The following CMC4 variants were observed in gnomAD, a reference collection of about 807,000 sequenced individuals.
CMC4 encodes the protein cx9C motif-containing protein 4.
CMC4 carries 4 observed loss-of-function variants against 5.1 expected under a neutral mutation model. The ratio of observed to expected loss-of-function variants is 0.78; its 90% confidence interval spans 0.38 to 1.78. CMC4 has a LOEUF of 1.78. Ranked by LOEUF, CMC4 falls within the 40% of genes most tolerant of loss-of-function variation. CMC4 has a pLI of 0.04. For synonymous variants in CMC4, 23 were observed against 18.9 expected, an observed-to-expected ratio of 1.22 and a Z score of -0.57; for missense variants, 52 against 51.3, an observed-to-expected ratio of 1.01 and a Z score of -0.04.
rs185409702 is a variant in CMC4 at position 155,066,590 on chromosome X, C to T, written c.-10-2557G>A. Among the ~76,000 whole-genome samples, 6 of 112,063 alleles carry T rather than the reference C, an allele frequency of 5.4e-5. No individual in the cohort carries two copies. In the East Asian group the frequency reaches 1.7e-3, roughly 31 times the overall value. ...AAAGTTTGTTTTAAGGGCAAATGATCTATTTATCAGTTTACTAAGAAAGTT... is the reference window on the plus strand; with the variant it reads ...AAAGTTTGTTTTAAGGGCAAATGATTTATTTATCAGTTTACTAAGAAAGTT... On this transcript the variant is annotated intron_variant, in intron 1 of 2. Coordinates refer to ENST00000369484, the MANE Select transcript of CMC4 (RefSeq NM_001018024.3).
At chrX:155,065,471 A>T (rs375822308) in intron 1 of CMC4, 910 of 1,197,465 alleles carry the variant, frequency 7.6e-4, no homozygotes, top group Non-Finnish European at 9.8e-4. Context: ...ACAGAGGAGA[A>T]ATAGAAATAC....
intron 1 of CMC4, chrX:155,066,009 AT>A: frequency 8.3e-7 from 1 of 1,204,675 alleles, no homozygotes. Context: ...CTCTCCTGCC[AT>A]TCTGGGCTTT....
At chrX:155,062,117 C>A in intron 2 of CMC4, 126 bp from the exon 3 acceptor site, 2 of 635,790 alleles carry the variant, frequency 3.1e-6, no homozygotes, top group Non-Finnish European at 4.4e-6. Flanking sequence ...GAAGATATAC[C>A]AAAGTCCACT....
intron 1 of CMC4, chrX:155,066,050 A>C: frequency 9.1e-7 from 1 of 1,098,257 alleles, no homozygotes; most frequent in Non-Finnish European, 1.3e-6. Context: ...GCTTTTCTCC[A>C]CCTAAGCCTG....
At chrX:155,065,591 A>G in intron 1 of CMC4, 1 of 1,209,504 alleles carries the variant, frequency 8.3e-7, no homozygotes, top group East Asian at 3.0e-5. Context: ...TCCCAGTACA[A>G]TGGAAAATAA....
chrX:155,067,765 G>C (rs1482872564), intron 1 of CMC4, among the ~76,000 whole-genome samples: 5 of 112,466 alleles, frequency 4.4e-5, no homozygotes, highest in Non-Finnish European at 9.4e-5. Flanking sequence ...GGCACCCCAA[G>C]TCTCAGGTAC....
At chrX:155,064,622 T>A (rs1557291885) in intron 1 of CMC4, 1 of 112,148 alleles carries the variant, frequency 8.9e-6, no homozygotes. Flanking sequence ...TTCCTAGGAA[T>A]CAGCAATATT....
intron 2 of CMC4, among the ~76,000 whole-genome samples, chrX:155,062,903 T>G (rs1399937228): frequency 1.8e-5 from 2 of 111,427 alleles, no homozygotes; most frequent in East Asian, 5.6e-4. Flanking sequence ...ATGAAAGGCT[T>G]AATACGTATA....
At chrX:155,070,310 G>C (rs918273476) in intron 1 of CMC4, among the ~76,000 whole-genome samples, 24 of 111,899 alleles carry the variant, frequency 2.1e-4, no homozygotes, top group South Asian at 7.4e-4. Flanking sequence ...ACACGAACAC[G>C]GACGGGCTGT....
Position 155,061,753 on chromosome X carries a change from A to G in CMC4, c.*90T>C. The stretch of plus-strand genomic sequence containing the variant: ...ATTAACTTTTGTAGCTGACTTTTTC[A>G]TTTGCTATTTGCTGCTACCTGGCCT... On this transcript the variant is annotated 3_prime_UTR_variant, in exon 3 of 3. Transcript: ENST00000369484. 9.6e-7 allele frequency: 1 copy of G among 1,046,029 alleles called. No individual in the cohort carries two copies. The highest frequency in any genetic ancestry group is 1.3e-6 in the Non-Finnish European group (1 of 776,579). 86.2% of individuals were successfully genotyped at this position (1,046,029 alleles called of 1,213,427 possible).
intron 1 of CMC4, chrX:155,065,728 C>T (rs2073945884): frequency 8.3e-7 from 1 of 1,211,165 alleles, no homozygotes; most frequent in South Asian, 1.8e-5. Flanking sequence ...GTGACTTGGC[C>T]TAGCTGCGTC....
At chrX:155,070,073 T>C (rs782819558) in intron 1 of CMC4, among the ~76,000 whole-genome samples, 1 of 112,424 alleles carries the variant, frequency 8.9e-6, no homozygotes, top group East Asian at 2.8e-4. Context: ...AGATGTGCCA[T>C]GTGATCCTTA....
chrX:155,063,839 A>T, intron 2 of CMC4, 127 bp downstream of exon 2: 1 of 532,480 alleles, frequency 1.9e-6, no homozygotes, highest in Non-Finnish European at 3.1e-6. Context: ...CAATGAAGAG[A>T]ATCTTCAGGA....
In CMC4 at chrX:155,062,401, T is replaced by C. The variant is rs1266431718; in HGVS notation, c.59-410A>G. 2.7e-5 allele frequency among the ~76,000 whole-genome samples: 3 copies of C among 112,140 alleles called. No homozygotes were observed. The East Asian group carries it at 8.3e-4, about 31-fold the overall frequency. Reference sequence around the variant, plus strand: ...GGCTGTGCATCAGGAATTGGCAAACTGCAGCCTTAGGGTCAAATTCAGCCG... The same window carrying C: ...GGCTGTGCATCAGGAATTGGCAAACCGCAGCCTTAGGGTCAAATTCAGCCG... On this transcript the variant is annotated intron_variant, in intron 2 of 2. Coordinates refer to ENST00000369484, the MANE Select transcript of CMC4 (RefSeq NM_001018024.3).
Position 155,064,125 on chromosome X carries a change from A to C in CMC4, c.-10-92T>G. 1.1e-5 allele frequency: 6 copies of C among 548,233 alleles called. No homozygotes were observed. In the South Asian group the frequency reaches 2.9e-4, roughly 26 times the overall value. The allele number at this position is 548,233 out of a possible 1,213,427, so 45.2% of individuals were successfully genotyped here. ...AATTTTCTTCTGAGACAAGCAGTATATGCCCTTACAATTGCTGGAAAATAA... is the reference window on the plus strand; with the variant it reads ...AATTTTCTTCTGAGACAAGCAGTATCTGCCCTTACAATTGCTGGAAAATAA... On this transcript the variant is annotated intron_variant, in intron 1 of 2. Coordinates refer to ENST00000369484, the MANE Select transcript of CMC4 (RefSeq NM_001018024.3).
At chrX:155,067,695 C>A (rs1359139071) in intron 1 of CMC4, among the ~76,000 whole-genome samples, 1 of 112,427 alleles carries the variant, frequency 8.9e-6, no homozygotes, top group Non-Finnish European at 1.9e-5. Flanking sequence ...TTTCACAAGT[C>A]CTGTCTTCCC....
intron 1 of CMC4, chrX:155,065,620 A>G: frequency 8.3e-7 from 1 of 1,210,959 alleles, no homozygotes; most frequent in Non-Finnish European, 1.1e-6. Context: ...CATGTGTACC[A>G]TTAAATGATG....
chrX:155,065,844 G>A, intron 1 of CMC4: 1 of 1,195,631 alleles, frequency 8.4e-7, no homozygotes, highest in Non-Finnish European at 1.1e-6. Flanking sequence ...TATTGAGACT[G>A]GAATAGAAAC....
intron 1 of CMC4, among the ~76,000 whole-genome samples, chrX:155,066,939 C>T (rs1342170103): frequency 8.9e-6 from 1 of 111,949 alleles, no homozygotes; most frequent in African/African-American, 3.3e-5. Context: ...CGATCCTCTG[C>T]CCAAGCCCCA....
Sources: gnomAD v4.1 joint callset for allele counts (sites outside exome capture counted in the v4.1 genomes callset) on GRCh38, gnomAD v4.1.1 for gene constraint, MANE v1.5 for transcripts, NCBI Gene and HGNC (gene_info 2026-07-23, HGNC 2026-07-21) for gene names.